The following CCNT1 variants were observed in gnomAD, a reference collection of about 807,000 sequenced individuals.
CCNT1 encodes the protein cyclin-T1.
In CCNT1, 18 loss-of-function variants were observed where a neutral mutation model predicts 67.3. The observed-to-expected ratio is 0.27, with a 90% CI of 0.18 to 0.40. The LOEUF (loss-of-function observed/expected upper bound fraction) is 0.40, where lower values mean the gene tolerates loss of function less well. CCNT1 is among the 10% of genes least tolerant of loss of function. The pLI is 1.00. For synonymous variants in CCNT1, 333 were observed against 310.3 expected (o/e 1.07, Z -0.77); for missense variants, 744 against 884.9 (o/e 0.84, Z 2.02).
Position 48,692,142 on chromosome 12 carries a change from CATA to C in CCNT1, c.*888_*890del, listed in dbSNP as rs1469999989. ...AAAAAAGGGGTAAAAAGGAAGTTCT[CATA>C]ATAAGGTTAAGAGTCAGGGTGTTGG... On this transcript the variant is annotated 3_prime_UTR_variant, in exon 9 of 9. Coordinates refer to ENST00000261900, the MANE Select transcript of CCNT1 (RefSeq NM_001240.4). 6.6e-6 allele frequency: 1 copy of C among 152,104 alleles called. No individual in the cohort carries two copies. Among genetic ancestry groups the C allele is most frequent in the Non-Finnish European group, 1.5e-5 (1 of 68,030 alleles). The allele number at this position is 152,104 out of a possible 1,614,324, so 9.4% of individuals were successfully genotyped here.
At chr12:48,697,429 C>T (rs902379934) in intron 6 of CCNT1, among the ~76,000 whole-genome samples, 2 of 149,786 alleles carry the variant, frequency 1.3e-5, no homozygotes, top group East Asian at 2.0e-4. Context: ...AGGCTGAGGC[C>T]GGAGAATCAC....
chr12:48,689,051 T>G lies in CCNT1; in HGVS notation c.*3982A>C, dbSNP rs1334948996. Reference sequence around the variant, plus strand: ...AACTGAAGAGTTCCTGATTACCTGATGAAGGACATACTTGCTCTGGCTTCA... The same window carrying G: ...AACTGAAGAGTTCCTGATTACCTGAGGAAGGACATACTTGCTCTGGCTTCA... On this transcript the variant is annotated 3_prime_UTR_variant, in exon 9 of 9. Coordinates refer to ENST00000261900, the MANE Select transcript of CCNT1 (RefSeq NM_001240.4). The G allele has an allele frequency of 6.6e-6, 1 of 152,218 alleles. No homozygotes were observed. The highest frequency in any genetic ancestry group is 1.5e-5 in the Non-Finnish European group (1 of 68,032). The allele number at this position is 152,218 out of a possible 1,614,324, so 9.4% of individuals were successfully genotyped here.
In CCNT1 at chr12:48,693,060, A is replaced by C. The variant is rs1323631344; in HGVS notation, c.2154T>G (p.Pro718=). The C allele has an allele frequency of 1.2e-6, 2 of 1,608,972 alleles. No individual in the cohort carries two copies. The highest frequency in any genetic ancestry group is 1.7e-6 in the Non-Finnish European group (2 of 1,176,458). The part of the protein sequence containing the change: ...PRPPPLPSEP[P]PPLPPLPK ...ACTTAGGAAGGGGTGGAAGTGGTGG[A>C]GGAGGTTCTGATGGCAGAGGTGGTG... The change falls in exon 9 of 9, where the codon CCT becomes CCG. Residue 718 remains proline (P), a synonymous_variant. Coordinates refer to ENST00000261900, the MANE Select transcript of CCNT1 (RefSeq NM_001240.4).
rs1027404418 is a variant in CCNT1 at position 48,692,347 on chromosome 12, A to G, written c.*686T>C. ...AAGGAACAGGGAGGGAAGATAAAACATTATTTTTAAACACACACACTTAAA... is the reference window on the plus strand; with the variant it reads ...AAGGAACAGGGAGGGAAGATAAAACGTTATTTTTAAACACACACACTTAAA... On this transcript the variant is annotated 3_prime_UTR_variant, in exon 9 of 9. Transcript: ENST00000261900. 1 of 152,168 alleles carries G rather than the reference A, an allele frequency of 6.6e-6. No homozygotes were observed. Among genetic ancestry groups the G allele is most frequent in the Admixed American group, 6.6e-5 (1 of 15,266 alleles). 9.4% of individuals were successfully genotyped at this position (152,168 alleles called of 1,614,324 possible). A position where few individuals can be genotyped will look rare whatever the true frequency, so the allele number is the denominator to read the frequency against.
chr12:48,708,024 T>G (rs1004183212), intron 2 of CCNT1, among the ~76,000 whole-genome samples: 2 of 151,892 alleles, frequency 1.3e-5, no homozygotes, highest in African/African-American at 4.8e-5. Context: ...GCCAAGATCA[T>G]GCCACTGTAC....
In CCNT1 at chr12:48,697,854, AAAT is replaced by A. The variant is rs1253292111; in HGVS notation, c.542+281_542+283del. On this transcript the variant is annotated intron_variant, in intron 6 of 8. Coordinates refer to ENST00000261900, the MANE Select transcript of CCNT1 (RefSeq NM_001240.4). ...AATAATAATTTAAAAAAAAAAAAAA[AAAT>A]ATATATATATATATATATATACACA... 168 of 47,870 alleles carry A rather than the reference AAAT, an allele frequency of 3.5e-3. 1 individual carries two copies. The highest frequency in any genetic ancestry group is 0.035 in the East Asian group (15 of 430). The allele number at this position is 47,870 out of a possible 1,614,324, so 3.0% of individuals were successfully genotyped here.
At position 48,693,243 on chromosome 12, in the gene CCNT1, A is replaced by G. The variant is rs767939509; in HGVS notation, c.1971T>C (p.Tyr657=). ...NGHNTTQTID[Y]QDTVNMLHSL... ...AGTGAAGCATATTCACAGTGTCTTG[A>G]TAGTCTATTGTCTGGGTCGTGTTGT... The change falls in exon 9 of 9, where the codon TAT becomes TAC. Residue 657 remains tyrosine (Y), a synonymous_variant. Transcript: ENST00000261900. 4 of 1,614,062 alleles carry G rather than the reference A, an allele frequency of 2.5e-6. No individual in the cohort carries two copies. The highest frequency in any genetic ancestry group is 3.3e-5 in the Admixed American group (2 of 60,010).
chr12:48,715,126 A>G (rs75201095), intron 1 of CCNT1, among the ~76,000 whole-genome samples: 2,496 of 152,282 alleles, frequency 0.016, 31 homozygotes, highest in Non-Finnish European at 0.024. Context: ...AACCTTAATG[A>G]CAACACACAT....
chr12:48,706,801 A>C (rs913335048), intron 2 of CCNT1, among the ~76,000 whole-genome samples: 2 of 152,220 alleles, frequency 1.3e-5, no homozygotes, highest in African/African-American at 4.8e-5. Flanking sequence ...ACTTATTTGT[A>C]ACCCTGATGT....
At chr12:48,714,144 G>C (rs987267375) in intron 2 of CCNT1, among the ~76,000 whole-genome samples, 1 of 152,148 alleles carries the variant, frequency 6.6e-6, no homozygotes, top group African/African-American at 2.4e-5. Flanking sequence ...CTGGGCTCAA[G>C]TGATCCTCCC....
intron 2 of CCNT1, among the ~76,000 whole-genome samples, chr12:48,706,914 AT>A (rs1191941251): frequency 3.3e-5 from 5 of 152,192 alleles, no homozygotes; most frequent in Admixed American, 2.0e-4. Flanking sequence ...TTAAAACAAA[AT>A]TTTTTTAGGC....
At chr12:48,707,085 C>T (rs1455070716) in intron 2 of CCNT1, among the ~76,000 whole-genome samples, 1 of 152,096 alleles carries the variant, frequency 6.6e-6, no homozygotes, top group Non-Finnish European at 1.5e-5. Context: ...CACAGTGATT[C>T]TTTTCCTTCA....
At position 48,716,687 on chromosome 12, in the gene CCNT1, C is replaced by T; in HGVS notation, c.-12G>A. 2 of 1,610,548 alleles carry T rather than the reference C, an allele frequency of 1.2e-6. No homozygotes were observed. Among genetic ancestry groups the T allele is most frequent in the Non-Finnish European group, 1.7e-6 (2 of 1,177,664 alleles). On this transcript the variant is annotated 5_prime_UTR_variant, in exon 1 of 9. Transcript: ENST00000261900. Reference sequence around the variant, plus strand: ...CTCTCTCCCTCCATAGTGCTTCAACCAGAAGGCAGCGGCGAAGGCTGCAGG... The same window carrying T: ...CTCTCTCCCTCCATAGTGCTTCAACTAGAAGGCAGCGGCGAAGGCTGCAGG...
At chr12:48,702,398 C>T (rs1424255400) in intron 3 of CCNT1, among the ~76,000 whole-genome samples, 3 of 152,234 alleles carry the variant, frequency 2.0e-5, no homozygotes, top group Non-Finnish European at 4.4e-5. Context: ...AAGCTATAGC[C>T]ACTAGCCACA....
intron 1 of CCNT1, among the ~76,000 whole-genome samples, chr12:48,714,938 C>G (rs1056523759): frequency 6.6e-6 from 1 of 152,120 alleles, no homozygotes; most frequent in African/African-American, 2.4e-5. Flanking sequence ...TCAGCTTCCC[C>G]AGTAGCTGAG....
intron 3 of CCNT1, among the ~76,000 whole-genome samples, chr12:48,704,959 C>T (rs1940332288): frequency 6.6e-6 from 1 of 152,144 alleles, no homozygotes. Flanking sequence ...TCTCCAACCC[C>T]ACCCCCTGTC....
intron 2 of CCNT1, among the ~76,000 whole-genome samples, chr12:48,708,236 G>GA (rs1357640012): frequency 6.6e-6 from 1 of 151,344 alleles, no homozygotes; most frequent in Non-Finnish European, 1.5e-5. Context: ...TTAAAATATA[G>GA]AAAAAAGAAT....
chr12:48,715,080 T>C (rs1319168550), intron 1 of CCNT1, among the ~76,000 whole-genome samples: 3 of 152,194 alleles, frequency 2.0e-5, no homozygotes, highest in Admixed American at 1.3e-4. Flanking sequence ...CCGAAAGTGC[T>C]GGTATTACAG....
chr12:48,713,665 T>G lies in CCNT1; in HGVS notation c.243+778A>C, dbSNP rs1236648592. Among the ~76,000 whole-genome samples the G allele has an allele frequency of 2.0e-5, 3 of 152,128 alleles. No homozygotes were observed. In the South Asian group the frequency reaches 6.2e-4, roughly 31 times the overall value. On this transcript the variant is annotated intron_variant, in intron 2 of 8. Coordinates refer to ENST00000261900, the MANE Select transcript of CCNT1 (RefSeq NM_001240.4). ...ACCAGATATGTTGGCAAGCCTGTGG[T>G]CCCAGTTACTTGGGAGGCTACGGCA...
Sources: allele counts gnomAD v4.1 joint callset (sites outside exome capture counted in the v4.1 genomes callset), GRCh38; gene constraint gnomAD v4.1.1; transcripts MANE v1.5; gene names NCBI Gene and HGNC (gene_info 2026-07-23, HGNC 2026-07-21).